Variants in DPP6 observed in about 807,000 individuals in gnomAD.
DPP6 encodes A-type potassium channel modulatory protein DPP6.
A neutral mutation model predicts 122.6 loss-of-function variants in DPP6; 69 were observed. That is an observed-to-expected ratio of 0.56 (90% CI 0.46 to 0.69). The LOEUF is 0.69. DPP6 is among the 30% of genes least tolerant of loss of function. The pLI is 0.00. For missense variants in DPP6, 928 were observed against 1,116.9 expected (o/e 0.83, Z 2.41); for synonymous variants, 418 against 433.1 (o/e 0.97, Z 0.43).
At chr7:153,983,169 G>A (rs1177628427) in intron 1 of DPP6, among the ~76,000 whole-genome samples, 1 of 152,232 alleles carries the variant, frequency 6.6e-6, no homozygotes, top group African/African-American at 2.4e-5. Flanking sequence ...CAAAGGTGCT[G>A]TGTCTCAGGG....
At chr7:154,131,888 T>A (rs1464977822) in intron 1 of DPP6, among the ~76,000 whole-genome samples, 1 of 152,188 alleles carries the variant, frequency 6.6e-6, no homozygotes, top group Non-Finnish European at 1.5e-5. Context: ...ATAAATTGTG[T>A]ACTCTCTGAA....
chr7:154,150,043 C>T lies in DPP6; in HGVS notation c.243+96980C>T, dbSNP rs1384472721. ...CCAATGTGGTTTCTTTCCCCAGCATCGCTTGAATCTACAGCAAACTGTCCA... is the reference window on the plus strand; with the variant it reads ...CCAATGTGGTTTCTTTCCCCAGCATTGCTTGAATCTACAGCAAACTGTCCA... On this transcript the variant is annotated intron_variant, in intron 1 of 25. Coordinates refer to ENST00000377770, the MANE Select transcript of DPP6 (RefSeq NM_130797.4). 5.3e-5 allele frequency among the ~76,000 whole-genome samples: 8 copies of T among 152,168 alleles called. No individual in the cohort carries two copies. The East Asian group carries it at 9.6e-4, about 18-fold the overall frequency.
At chr7:154,130,268 G>A (rs537041715) in intron 1 of DPP6, among the ~76,000 whole-genome samples, 7 of 152,222 alleles carry the variant, frequency 4.6e-5, no homozygotes, top group Non-Finnish European at 7.4e-5. Flanking sequence ...CCTCAAGGTC[G>A]TTCCTTAGTC....
At chr7:154,836,009 T>G (rs1248404525) in intron 16 of DPP6, among the ~76,000 whole-genome samples, 1 of 152,238 alleles carries the variant, frequency 6.6e-6, no homozygotes, top group Non-Finnish European at 1.5e-5. Context: ...GTGGGCCCTG[T>G]AATGAGCACC....
intron 1 of DPP6, among the ~76,000 whole-genome samples, chr7:154,102,262 T>G (rs2150571034): frequency 6.6e-6 from 1 of 152,240 alleles, no homozygotes; most frequent in East Asian, 1.9e-4. Context: ...CAGTCTCGGC[T>G]CACTGCAACC....
At chr7:154,386,501 G>A (rs921191346) in intron 1 of DPP6, among the ~76,000 whole-genome samples, 9 of 152,076 alleles carry the variant, frequency 5.9e-5, no homozygotes, top group African/African-American at 2.2e-4. Flanking sequence ...GCTTAGGGTG[G>A]TGTCTTGATG....
upstream of DPP6, among the ~76,000 whole-genome samples, chr7:154,052,011 G>A (rs962717111): frequency 6.6e-5 from 10 of 150,542 alleles, no homozygotes; most frequent in Admixed American, 1.3e-4. This position sits in a 1 kb window ranked among gnomAD's most constrained non-coding sequence, Gnocchi z 4.8. Flanking sequence ...CAGCGCGTGC[G>A]TGGCTGGGGC....
At chr7:154,366,283 G>A (rs1197178409) in intron 1 of DPP6, among the ~76,000 whole-genome samples, 2 of 152,176 alleles carry the variant, frequency 1.3e-5, no homozygotes, top group Non-Finnish European at 2.9e-5. Flanking sequence ...CTGGTAAAAC[G>A]AGTGGCAAAT....
intron 1 of DPP6, among the ~76,000 whole-genome samples, chr7:154,428,899 C>T (rs942602056): frequency 1.3e-5 from 2 of 152,130 alleles, no homozygotes; most frequent in African/African-American, 2.4e-5. Context: ...TTGGGTACAA[C>T]GTACAGTGTT....
At chr7:154,612,819 T>C (rs1833992496) in intron 5 of DPP6, among the ~76,000 whole-genome samples, 1 of 152,234 alleles carries the variant, frequency 6.6e-6, no homozygotes, top group African/African-American at 2.4e-5. Flanking sequence ...TTCATTATCT[T>C]GTATTTTAGG....
At chr7:153,769,445 G>A in the DPP6 span, among the ~76,000 whole-genome samples, 2 of 152,204 alleles carry the variant, frequency 1.3e-5, no homozygotes, top group South Asian at 4.2e-4. Context: ...AGCATAGTTG[G>A]GACACATAAT....
intron 1 of DPP6, among the ~76,000 whole-genome samples, chr7:154,143,617 C>T (rs1440787338): frequency 6.6e-6 from 1 of 152,156 alleles, no homozygotes. Context: ...ATCTATAGTC[C>T]AACTTAGCTC....
chr7:154,047,228 G>A (rs1015428885), intron 1 of DPP6, among the ~76,000 whole-genome samples: 4 of 145,470 alleles, frequency 2.7e-5, no homozygotes, highest in Admixed American at 6.6e-5. Context: ...TCAGCAGAGA[G>A]AACAGACACA....
chr7:154,259,571 G>C (rs1481382589), intron 1 of DPP6, among the ~76,000 whole-genome samples: 1 of 152,160 alleles, frequency 6.6e-6, no homozygotes. Context: ...AGCTGCTCAG[G>C]GGTGAATGAG....
chr7:154,244,306 AC>A (rs1246164146), intron 1 of DPP6, among the ~76,000 whole-genome samples: 1 of 152,198 alleles, frequency 6.6e-6, no homozygotes, highest in East Asian at 1.9e-4. Flanking sequence ...AATATCCTCT[AC>A]TGTGGGTAAA....
intron 1 of DPP6, among the ~76,000 whole-genome samples, chr7:154,148,603 C>T (rs189114776): frequency 1.3e-3 from 204 of 151,940 alleles, no homozygotes; most frequent in African/African-American, 4.6e-3. Context: ...ACTCTCCTGG[C>T]ATGGCCACGT....
intron 1 of DPP6, among the ~76,000 whole-genome samples, chr7:154,328,006 T>C (rs1563486836): frequency 1.3e-5 from 2 of 152,228 alleles, no homozygotes; most frequent in East Asian, 3.8e-4. Context: ...TTGGAGTTTG[T>C]TTCCTGAGAC....
At chr7:154,006,176 T>G (rs73729255) in intron 1 of DPP6, among the ~76,000 whole-genome samples, 2 of 152,168 alleles carry the variant, frequency 1.3e-5, no homozygotes, top group Admixed American at 1.3e-4. Flanking sequence ...GCCCTGACCT[T>G]GGCCCTATAA....
intron 1 of DPP6, among the ~76,000 whole-genome samples, chr7:154,335,470 A>G (rs62475075): frequency 0.16 from 23,613 of 152,268 alleles, 2,013 homozygotes; most frequent in South Asian, 0.23. Flanking sequence ...CACACAACTA[A>G]CCTATAAACA....
Sources: allele counts gnomAD v4.1 joint callset (sites outside exome capture counted in the v4.1 genomes callset), GRCh38; gene constraint gnomAD v4.1.1; non-coding constraint Gnocchi (gnomAD v3.1); transcripts MANE v1.5; gene names NCBI Gene and HGNC (gene_info 2026-07-23, HGNC 2026-07-21).